KDM4B: variants seen among roughly 807,000 people sequenced by gnomAD.
KDM4B encodes the protein lysine demethylase 4B.
A neutral mutation model predicts 125.2 loss-of-function variants in KDM4B; 32 were observed. The ratio of observed to expected loss-of-function variants is 0.26; its 90% CI spans 0.19 to 0.34. KDM4B has a LOEUF of 0.34. KDM4B is among the 10% of genes least tolerant of loss of function. The pLI, the probability that KDM4B is intolerant of heterozygous loss-of-function variation, is 1.00. For missense variants in KDM4B, 1,190 were observed against 1,577.7 expected, an observed-to-expected ratio of 0.75 and a Z score of 4.16; for synonymous variants, 721 against 677.9, an observed-to-expected ratio of 1.06 and a Z score of -0.99.
intron 1 of KDM4B, among the ~76,000 whole-genome samples, chr19:5,010,733 C>T (rs569083014): frequency 1.5e-3 from 221 of 152,276 alleles, no homozygotes; most frequent in African/African-American, 5.0e-3. Flanking sequence ...CTGCAACCTC[C>T]GCCTCCCAGG....
In KDM4B at chr19:5,146,939, C is replaced by CAAAAAA. The variant is rs1182135277; in HGVS notation, c.3021+2055_3021+2060dup. Among the ~76,000 whole-genome samples the CAAAAAA allele has an allele frequency of 5.9e-3, 353 of 59,856 alleles. 2 individuals are homozygous for CAAAAAA. The highest frequency in any genetic ancestry group is 8.8e-3 in the East Asian group (16 of 1,826). 39.3% of individuals were successfully genotyped at this position (59,856 alleles called of 152,430 possible). ...TTGGGTGACACTGAGACCCTGTCTC[C>CAAAAAA]AAAAAAAAAAAAAAAAAAAAAAACA... On this transcript the variant is annotated intron_variant, in intron 21 of 22. Transcript: ENST00000159111.
intron 1 of KDM4B, among the ~76,000 whole-genome samples, chr19:4,973,051 A>G (rs2034315718): frequency 6.6e-6 from 1 of 151,994 alleles, no homozygotes; most frequent in Non-Finnish European, 1.5e-5. Context: ...CCTCCCAGTC[A>G]CCATAGCCCT....
intron 9 of KDM4B, among the ~76,000 whole-genome samples, chr19:5,099,697 C>A (rs2145945870): frequency 6.6e-6 from 1 of 152,278 alleles, no homozygotes; most frequent in South Asian, 2.1e-4. Context: ...GAAAACAGGG[C>A]CTGAGGGTGG....
chr19:5,011,535 C>T (rs574775475), intron 1 of KDM4B, among the ~76,000 whole-genome samples: 1 of 152,170 alleles, frequency 6.6e-6, no homozygotes, highest in Non-Finnish European at 1.5e-5. Context: ...GGGTGGGAGG[C>T]AGGAGATGGC....
chr19:5,041,828 C>T (rs959048088), intron 5 of KDM4B, among the ~76,000 whole-genome samples: 5 of 152,246 alleles, frequency 3.3e-5, no homozygotes, highest in East Asian at 3.8e-4. Flanking sequence ...GCCTGCGTGG[C>T]GGGTGTGTGT....
chr19:5,009,716 G>A (rs942002590), intron 1 of KDM4B, among the ~76,000 whole-genome samples: 1 of 152,058 alleles, frequency 6.6e-6, no homozygotes, highest in South Asian at 2.1e-4. Context: ...ATACTACCAT[G>A]CAATTTACTC....
chr19:4,984,207 G>T (rs2034748699), intron 1 of KDM4B, among the ~76,000 whole-genome samples: 1 of 152,198 alleles, frequency 6.6e-6, no homozygotes, highest in Non-Finnish European at 1.5e-5. Context: ...AATCCAGAGT[G>T]GCGCTGGCCA....
At chr19:5,004,289 A>ATTCGTG (rs1555690620) in intron 1 of KDM4B, among the ~76,000 whole-genome samples, 9 of 152,108 alleles carry the variant, frequency 5.9e-5, no homozygotes, top group Non-Finnish European at 1.0e-4. Flanking sequence ...ACTTTCCACC[A>ATTCGTG]TTCGTGTGCT....
At chr19:5,044,494 G>C (rs763887719) in intron 5 of KDM4B, among the ~76,000 whole-genome samples, 2 of 152,176 alleles carry the variant, frequency 1.3e-5, no homozygotes, top group Non-Finnish European at 2.9e-5. Context: ...GGACATTTGG[G>C]CTGTGTTCTC....
intron 9 of KDM4B, among the ~76,000 whole-genome samples, chr19:5,091,784 G>A (rs1038693919): frequency 1.1e-4 from 17 of 152,272 alleles, no homozygotes; most frequent in Middle Eastern, 3.4e-3. Flanking sequence ...GGCCCACGGA[G>A]GTGCGGGAAA....
rs746669974 is a variant in KDM4B at position 4,974,414 on chromosome 19, ATAAG to A, written c.-109+5200_-109+5203del. ...GAGACTCCATCTCAAAAATAAATAA[ATAAG>A]TAAGTAAGTAAGTAAATAAATACAT... On this transcript the variant is annotated intron_variant, in intron 1 of 22. Coordinates refer to ENST00000159111, the MANE Select transcript of KDM4B (RefSeq NM_015015.3). Among the ~76,000 whole-genome samples the A allele has an allele frequency of 3.4e-4, 51 of 151,696 alleles. 2 individuals are homozygous for A. Among genetic ancestry groups the A allele is most frequent in the South Asian group, 2.9e-3 (14 of 4,804 alleles).
Position 5,082,338 on chromosome 19 carries a change from G to T in KDM4B, c.781-29G>T. 1 of 1,612,748 alleles carries T rather than the reference G, an allele frequency of 6.2e-7. No individual in the cohort carries two copies. Among genetic ancestry groups the T allele is most frequent in the Non-Finnish European group, 8.5e-7 (1 of 1,179,654 alleles). ...CCCCTGGTGCGCCTCTGGTGGCCCT[G>T]CCCTCACCTGTCTCCTTTCCCTCTG... On this transcript the variant is annotated intron_variant, in intron 8 of 22. Coordinates refer to ENST00000159111, the MANE Select transcript of KDM4B (RefSeq NM_015015.3). This position sits in a 1 kb window ranked among gnomAD's most constrained non-coding sequence, Gnocchi z 5.4.
At position 5,134,549 on chromosome 19, in the gene KDM4B, G is replaced by A. The variant is rs968034326; in HGVS notation, c.2085+488G>A. 3.9e-5 allele frequency among the ~76,000 whole-genome samples: 6 copies of A among 152,162 alleles called. No individual in the cohort carries two copies. In the South Asian group the frequency reaches 6.2e-4, roughly 16 times the overall value. On this transcript the variant is annotated intron_variant, in intron 14 of 22. Coordinates refer to ENST00000159111, the MANE Select transcript of KDM4B (RefSeq NM_015015.3). ...AGATGGGGAGCTGGCCTCTGCCCAC[G>A]GCCATCCCAGGCATCAGCACCCAGC...
intron 9 of KDM4B, among the ~76,000 whole-genome samples, chr19:5,084,577 TTA>T (rs969828523): frequency 1.4e-5 from 2 of 141,490 alleles, no homozygotes; most frequent in Non-Finnish European, 3.0e-5. Flanking sequence ...ATTATATGTA[TTA>T]TATATAAATA....
Position 5,110,754 on chromosome 19 carries a change from A to G in KDM4B, c.1051A>G (p.Thr351Ala). The G allele has an allele frequency of 6.2e-7, 1 of 1,610,110 alleles. No individual in the cohort carries two copies. Among genetic ancestry groups the G allele is most frequent in the Non-Finnish European group, 8.5e-7 (1 of 1,178,670 alleles). The change falls in exon 10 of 23, where the codon ACC becomes GCC. Residue 351 changes from threonine (T) to alanine (A), a missense_variant. Physicochemically the swap from Thr to Ala is moderately conservative, Grantham distance 58. Coordinates refer to ENST00000159111, the MANE Select transcript of KDM4B (RefSeq NM_015015.3). The part of the protein sequence containing the change: ...VLDHTRPTAL[T>A]SPELSSWSAS... The stretch of plus-strand genomic sequence containing the variant: ...GGACCACACGCGGCCCACGGCGCTC[A>G]CCAGCCCCGAGCTGAGCTCCTGGAG...
intron 6 of KDM4B, among the ~76,000 whole-genome samples, chr19:5,066,160 G>A (rs372986053): frequency 1.2e-4 from 19 of 152,330 alleles, no homozygotes; most frequent in African/African-American, 3.6e-4. Flanking sequence ...GAGGTGGCCC[G>A]GCCCCCACTC....
chr19:5,031,853 G>C (rs1040413217), intron 2 of KDM4B, among the ~76,000 whole-genome samples: 2 of 152,214 alleles, frequency 1.3e-5, no homozygotes, highest in Non-Finnish European at 2.9e-5. Flanking sequence ...CCCCACTCCC[G>C]GGACTGTCTG....
intron 10 of KDM4B, chr19:5,119,290 A>G (rs573685484): frequency 9.4e-7 from 1 of 1,058,970 alleles, no homozygotes; most frequent in Non-Finnish European, 1.4e-6. Context: ...CGGAGCTCAC[A>G]CTCCCTGTGT....
At chr19:5,001,975 A>G (rs2035400524) in intron 1 of KDM4B, among the ~76,000 whole-genome samples, 1 of 151,348 alleles carries the variant, frequency 6.6e-6, no homozygotes, top group African/African-American at 2.4e-5. Context: ...ATGTATTGCA[A>G]ATATTTCCTT....
Sources: allele counts gnomAD v4.1 joint callset (sites outside exome capture counted in the v4.1 genomes callset), GRCh38; gene constraint gnomAD v4.1.1; non-coding constraint Gnocchi (gnomAD v3.1); transcripts MANE v1.5; gene names NCBI Gene and HGNC (gene_info 2026-07-23, HGNC 2026-07-21).